The following PLCB1 variants were observed in gnomAD, a reference collection of about 807,000 sequenced individuals.
The protein encoded by PLCB1 is phospholipase C beta 1.
Under a neutral mutation model 161.8 loss-of-function variants are expected in PLCB1, and 46 were observed. That is an observed-to-expected ratio of 0.28 (90% confidence interval 0.22 to 0.36). The LOEUF (loss-of-function observed/expected upper bound fraction) is 0.36. PLCB1 is among the 10% of genes least tolerant of loss of function. The probability of loss-of-function intolerance (pLI) is 1.00; values close to 1 mark genes in which losing one functional copy is unlikely to be tolerated. For missense variants in PLCB1, 1,016 were observed against 1,472.5 expected, an observed-to-expected ratio of 0.69 and a Z score of 5.07; for synonymous variants, 517 against 503.7, an observed-to-expected ratio of 1.03 and a Z score of -0.35.
intron 4 of PLCB1, among the ~76,000 whole-genome samples, chr20:8,629,015 C>T (rs1002946791): frequency 1.3e-5 from 2 of 152,088 alleles, no homozygotes; most frequent in Admixed American, 6.6e-5. Context: ...AAACCACATT[C>T]TATTTCATCT....
intron 31 of PLCB1, among the ~76,000 whole-genome samples, chr20:8,842,094 G>A (rs1014160028): frequency 1.3e-5 from 2 of 152,108 alleles, no homozygotes; most frequent in Non-Finnish European, 2.9e-5. Context: ...TGACATCAGT[G>A]TAAGATTGAA....
rs189214525 is a variant in PLCB1, at chr20:8,328,829, C to T, written c.178-42553C>T. 1.1e-3 allele frequency among the ~76,000 whole-genome samples: 170 copies of T among 152,244 alleles called. 1 individual carries two copies. Among genetic ancestry groups the T allele is most frequent in the African/African-American group, 3.9e-3 (160 of 41,530 alleles). ...GTGAGGATTGTTCAGAAAGGAAACA[C>T]GGAACATAAGCATGATATTATGTTA... On this transcript the variant is annotated intron_variant, in intron 2 of 31. Transcript: ENST00000338037.
chr20:8,498,934 T>C (rs1473627892), intron 3 of PLCB1, among the ~76,000 whole-genome samples: 1 of 152,170 alleles, frequency 6.6e-6, no homozygotes, highest in Non-Finnish European at 1.5e-5. Flanking sequence ...CACGGGTCAT[T>C]AGTAAAGCAG....
At position 8,628,349 on chromosome 20, in the gene PLCB1, G is replaced by A. The variant is rs746490695; in HGVS notation, c.302G>A (p.Arg101His). The A allele has an allele frequency of 1.5e-5, 24 of 1,613,846 alleles. No individual in the cohort carries two copies. Among genetic ancestry groups the A allele is most frequent in the South Asian group, 3.3e-5 (3 of 91,084 alleles). The part of the protein sequence containing the change: ...DVGNIGRLEQ[R>H]MITVVYGPDL... The stretch of plus-strand genomic sequence containing the variant: ...GGGAACATCGGGCGCCTGGAGCAGC[G>A]CATGATCACAGTGGTGTATGGGCCT... The change falls in exon 4 of 32, where the codon CGC becomes CAC. Residue 101 changes from arginine (R) to histidine (H), a missense_variant. By Grantham distance (29) the Arg-to-His change is conservative. This residue lies in a region of PLCB1 where 181 missense variants were observed against 236.7 expected (regional missense o/e 0.76). Transcript: ENST00000338037.
intron 1 of PLCB1, among the ~76,000 whole-genome samples, chr20:8,149,684 A>G (rs562494501): frequency 6.6e-6 from 1 of 152,276 alleles, no homozygotes; most frequent in South Asian, 2.1e-4. Context: ...AGAAATGTTT[A>G]ATATTATAAT....
At chr20:8,279,881 C>T (rs1306290114) in intron 2 of PLCB1, among the ~76,000 whole-genome samples, 1 of 152,070 alleles carries the variant, frequency 6.6e-6, no homozygotes, top group Non-Finnish European at 1.5e-5. Flanking sequence ...AGGAACTGCC[C>T]TAGAAGGCAG....
intron 2 of PLCB1, among the ~76,000 whole-genome samples, chr20:8,323,860 C>CAAAAAAAAAAAA (rs11468221): frequency 7.6e-6 from 1 of 131,590 alleles, no homozygotes. Context: ...TAGTCATTGC[C>CAAAAAAAAAAAA]AAAAAAAAAA....
At chr20:8,607,800 ATGAG>A (rs1010180566) in intron 3 of PLCB1, among the ~76,000 whole-genome samples, 2 of 152,214 alleles carry the variant, frequency 1.3e-5, no homozygotes, top group Non-Finnish European at 2.9e-5. Context: ...TATTGCATGA[ATGAG>A]TGAGTGAATG....
rs556765260 is a variant in PLCB1, at chr20:8,516,110, C to G, written c.247-112184C>G. On this transcript the variant is annotated intron_variant, in intron 3 of 31. Transcript: ENST00000338037. ...AATGGCACAGGAAAGACCCTCCCCC[C>G]TGATTCAGTTACTTCCCATCAAGCC... Among the ~76,000 whole-genome samples the G allele has an allele frequency of 3.3e-5, 5 of 152,274 alleles. No individual in the cohort carries two copies. In the East Asian group the frequency reaches 9.7e-4, roughly 30 times the overall value.
intron 3 of PLCB1, among the ~76,000 whole-genome samples, chr20:8,505,450 A>C (rs1983600378): frequency 6.6e-6 from 1 of 152,216 alleles, no homozygotes; most frequent in African/African-American, 2.4e-5. Flanking sequence ...AATGCAATTG[A>C]TGAGTAAAGC....
intron 31 of PLCB1, among the ~76,000 whole-genome samples, chr20:8,857,717 A>G (rs1987116063): frequency 6.6e-6 from 1 of 152,226 alleles, no homozygotes; most frequent in Non-Finnish European, 1.5e-5. Flanking sequence ...ACTTGCCAAT[A>G]GTTGATATTA....
In PLCB1 at chr20:8,290,313, G is replaced by A. The variant is rs113573063; in HGVS notation, c.178-81069G>A. ...TCTGAATGCAAGTAGTTTTCTGGAAGGTCGTGCCAGGAAACCTGCCAAGAA... is the reference window on the plus strand; with the variant it reads ...TCTGAATGCAAGTAGTTTTCTGGAAAGTCGTGCCAGGAAACCTGCCAAGAA... On this transcript the variant is annotated intron_variant, in intron 2 of 31. Transcript: ENST00000338037. Among the ~76,000 whole-genome samples the A allele has an allele frequency of 2.7e-3, 411 of 152,284 alleles. 1 individual carries two copies. The highest frequency in any genetic ancestry group is 4.6e-3 in the Non-Finnish European group (312 of 68,026).
At chr20:8,407,454 T>A (rs1978834128) in intron 3 of PLCB1, among the ~76,000 whole-genome samples, 1 of 152,188 alleles carries the variant, frequency 6.6e-6, no homozygotes, top group Non-Finnish European at 1.5e-5. Flanking sequence ...TCTACATGGC[T>A]GGGGAGGCCT....
chr20:8,427,930 T>A (rs1979856900), intron 3 of PLCB1, among the ~76,000 whole-genome samples: 1 of 152,168 alleles, frequency 6.6e-6, no homozygotes, highest in African/African-American at 2.4e-5. Flanking sequence ...TCTATGTGAT[T>A]CTAGAACAAT....
At chr20:8,492,838 A>T (rs549181370) in intron 3 of PLCB1, among the ~76,000 whole-genome samples, 34 of 85,842 alleles carry the variant, frequency 4.0e-4, no homozygotes, top group African/African-American at 1.6e-3. Flanking sequence ...AAACTTTATT[A>T]TATATATATA....
intron 3 of PLCB1, among the ~76,000 whole-genome samples, chr20:8,558,840 C>A (rs1986049204): frequency 6.6e-6 from 1 of 151,610 alleles, no homozygotes; most frequent in South Asian, 2.1e-4. Context: ...GTATACCTGG[C>A]AAAATTAAGA....
chr20:8,723,573 A>G (rs1270694798), intron 15 of PLCB1, among the ~76,000 whole-genome samples: 1 of 152,176 alleles, frequency 6.6e-6, no homozygotes, highest in Admixed American at 6.6e-5. Flanking sequence ...CAAAAGCAAC[A>G]TGAGATTGTA....
chr20:8,605,141 A>G (rs12625520), intron 3 of PLCB1, among the ~76,000 whole-genome samples: 20,464 of 152,080 alleles, frequency 0.13, 1,742 homozygotes, highest in East Asian at 0.32. Flanking sequence ...TAAAAAAACA[A>G]TTTCCCTTAC....
intron 3 of PLCB1, among the ~76,000 whole-genome samples, chr20:8,622,111 G>T (rs558367067): frequency 1.3e-5 from 2 of 152,176 alleles, no homozygotes; most frequent in Admixed American, 1.3e-4. Context: ...AATTTAGGGG[G>T]TGGTTGGTGG....
Sources: gnomAD v4.1 joint callset for allele counts (sites outside exome capture counted in the v4.1 genomes callset) on GRCh38, gnomAD v4.1.1 for gene constraint, gnomAD v4.1.1 regional missense constraint, MANE v1.5 for transcripts, NCBI Gene and HGNC (gene_info 2026-07-23, HGNC 2026-07-21) for gene names.